Variants in PPP2R2C observed in about 807,000 individuals in gnomAD.
PPP2R2C encodes protein phosphatase 2 regulatory subunit Bgamma, also known as protein phosphatase 2, regulatory subunit B, gamma.
A neutral mutation model predicts 45.3 loss-of-function variants in PPP2R2C; 10 were observed. The observed-to-expected ratio is 0.22, with a 90% CI of 0.14 to 0.37. The LOEUF is 0.37. PPP2R2C is among the 10% of genes least tolerant of loss of function. PPP2R2C has a pLI of 1.00. For missense variants in PPP2R2C, 308 were observed against 619.7 expected, an observed-to-expected ratio of 0.50 and a Z score of 5.34; for synonymous variants, 257 against 245.4, an observed-to-expected ratio of 1.05 and a Z score of -0.44.
chr4:6,442,744 G>A (rs55872473), intron 1 of PPP2R2C, among the ~76,000 whole-genome samples: 2,909 of 152,318 alleles, frequency 0.019, 27 homozygotes, highest in Non-Finnish European at 0.028. Flanking sequence ...CTGAGGCATG[G>A]AGAGGTTACG....
At chr4:6,415,585 A>C (rs1256706915) in intron 1 of PPP2R2C, among the ~76,000 whole-genome samples, 1 of 152,124 alleles carries the variant, frequency 6.6e-6, no homozygotes, top group Non-Finnish European at 1.5e-5. Flanking sequence ...CCCATAGCTC[A>C]TTCCAGATAC....
chr4:6,348,991 G>C, intron 5 of PPP2R2C: 1 of 984,274 alleles, frequency 1.0e-6, no homozygotes, highest in Non-Finnish European at 1.2e-6. Context: ...GATTGGTAAG[G>C]CTGGATTCAG....
intron 1 of PPP2R2C, among the ~76,000 whole-genome samples, chr4:6,434,723 T>C (rs1719813661): frequency 6.6e-6 from 1 of 152,140 alleles, no homozygotes; most frequent in African/African-American, 2.4e-5. Context: ...TTTCTGAGAG[T>C]TCTTGTTTCC....
At chr4:6,468,069 C>G (rs778472717) in intron 1 of PPP2R2C, among the ~76,000 whole-genome samples, 1 of 152,186 alleles carries the variant, frequency 6.6e-6, no homozygotes, top group Non-Finnish European at 1.5e-5. Context: ...TTACTAGGAA[C>G]CATATGTGTT....
rs1005704827 is a variant in PPP2R2C, at chr4:6,413,214, T to C, written c.71-32120A>G. On this transcript the variant is annotated intron_variant, in intron 1 of 8. Coordinates refer to ENST00000382599, the MANE Select transcript of PPP2R2C (RefSeq NM_020416.4). ...ACACACACGCCAATGTGCTCGGACATACATGTGCACACACAGTTGTACATA... is the reference window on the plus strand; with the variant it reads ...ACACACACGCCAATGTGCTCGGACACACATGTGCACACACAGTTGTACATA... 4.6e-5 allele frequency among the ~76,000 whole-genome samples: 7 copies of C among 151,814 alleles called. No homozygotes were observed. The South Asian group carries it at 1.3e-3, about 27-fold the overall frequency.
intron 6 of PPP2R2C, among the ~76,000 whole-genome samples, chr4:6,334,336 A>T (rs1329603110): frequency 2.0e-5 from 3 of 152,104 alleles, no homozygotes; most frequent in African/African-American, 7.2e-5. Flanking sequence ...TCCACTGACC[A>T]TCTCCTTTTT....
At chr4:6,335,423 C>T (rs1376568046) in intron 6 of PPP2R2C, among the ~76,000 whole-genome samples, 1 of 151,958 alleles carries the variant, frequency 6.6e-6, no homozygotes, top group African/African-American at 2.4e-5. Flanking sequence ...ACGCAAGGGC[C>T]CTGAGGCAGG....
chr4:6,431,089 A>T (rs1014960526), intron 1 of PPP2R2C, among the ~76,000 whole-genome samples: 2 of 152,134 alleles, frequency 1.3e-5, no homozygotes, highest in African/African-American at 4.8e-5. Context: ...GATGACAGAG[A>T]TGGTTCTGCC....
chr4:6,553,497 T>C (rs1725254027), intron 1 of PPP2R2C, among the ~76,000 whole-genome samples: 2 of 152,182 alleles, frequency 1.3e-5, no homozygotes, highest in Non-Finnish European at 2.9e-5. Context: ...GAGACGCCAC[T>C]TCAGATGCCT....
chr4:6,367,264 C>T (rs1023420031), intron 5 of PPP2R2C, among the ~76,000 whole-genome samples: 1 of 152,168 alleles, frequency 6.6e-6, no homozygotes, highest in African/African-American at 2.4e-5. Context: ...TACTAAAAGT[C>T]CATTTTGCTG....
chr4:6,396,532 T>C (rs1010550792), intron 1 of PPP2R2C, among the ~76,000 whole-genome samples: 10 of 152,360 alleles, frequency 6.6e-5, no homozygotes, highest in Admixed American at 5.2e-4. Context: ...CCTGGGCACA[T>C]TGTCCAGCTG....
At chr4:6,431,181 A>G (rs1719596048) in intron 1 of PPP2R2C, among the ~76,000 whole-genome samples, 1 of 152,204 alleles carries the variant, frequency 6.6e-6, no homozygotes, top group South Asian at 2.1e-4. Flanking sequence ...CAGGGTGTGC[A>G]GGTCCGTGTT....
At chr4:6,493,711 G>T in intron 2 of PPP2R2C, among the ~76,000 whole-genome samples, 1 of 152,012 alleles carries the variant, frequency 6.6e-6, no homozygotes, top group East Asian at 1.9e-4. Context: ...CGGCAGACAC[G>T]GAGGGGTGGA....
intron 5 of PPP2R2C, chr4:6,350,534 G>A: frequency 1.0e-6 from 1 of 985,396 alleles, no homozygotes; most frequent in Non-Finnish European, 1.2e-6. Flanking sequence ...AGTTCTGTTT[G>A]CGTCATCAGG....
At chr4:6,509,141 C>T (rs915821483) in intron 2 of PPP2R2C, among the ~76,000 whole-genome samples, 17 of 152,134 alleles carry the variant, frequency 1.1e-4, no homozygotes, top group African/African-American at 3.6e-4. Flanking sequence ...TTGTTTGAAC[C>T]GCAGTGTTTA....
chr4:6,508,415 T>C (rs1160339030), intron 2 of PPP2R2C, among the ~76,000 whole-genome samples: 1 of 151,880 alleles, frequency 6.6e-6, no homozygotes, highest in Non-Finnish European at 1.5e-5. Context: ...TGAAACCCTG[T>C]CTCTACTAAA....
intron 1 of PPP2R2C, among the ~76,000 whole-genome samples, chr4:6,406,547 T>A (rs1250485173): frequency 6.6e-6 from 1 of 152,136 alleles, no homozygotes; most frequent in Non-Finnish European, 1.5e-5. Context: ...CTGGGCAACA[T>A]TTTATCTAAC....
chr4:6,365,749 G>A (rs552658852), intron 5 of PPP2R2C, among the ~76,000 whole-genome samples: 16 of 152,312 alleles, frequency 1.1e-4, no homozygotes, highest in South Asian at 4.1e-4. Flanking sequence ...CTGGCCGTGC[G>A]GACCTGCTCT....
At chr4:6,546,834 A>G (rs1725002369) in intron 1 of PPP2R2C, among the ~76,000 whole-genome samples, 1 of 152,230 alleles carries the variant, frequency 6.6e-6, no homozygotes, top group African/African-American at 2.4e-5. Flanking sequence ...GAAAAAGGGC[A>G]GGCCGTGAAG....
Sources: allele counts gnomAD v4.1 joint callset (sites outside exome capture counted in the v4.1 genomes callset), GRCh38; gene constraint gnomAD v4.1.1; transcripts MANE v1.5; gene names NCBI Gene and HGNC (gene_info 2026-07-23, HGNC 2026-07-21).